TNFAIP8: variants seen among roughly 807,000 people sequenced by gnomAD.
The protein encoded by TNFAIP8 is TNF alpha induced protein 8.
TNFAIP8 carries 7 observed loss-of-function variants against 13.3 expected under a neutral mutation model. The ratio of observed to expected loss-of-function variants is 0.52; its 90% confidence interval spans 0.30 to 0.99. TNFAIP8 has a LOEUF of 0.99. Among genes scored for constraint, TNFAIP8 ranks in the 50% least tolerant of loss-of-function variants. The pLI, the probability that TNFAIP8 is intolerant of heterozygous loss-of-function variation, is 0.07. For missense variants in TNFAIP8, 258 were observed against 236.9 expected (o/e 1.09, Z -0.58); for synonymous variants, 94 against 87.6 (o/e 1.07, Z -0.41).
chr5:119,396,161 A>T lies in TNFAIP8; in HGVS notation c.*2780A>T, dbSNP rs1753067250. The T allele has an allele frequency of 6.6e-6, 1 of 152,196 alleles. No homozygotes were observed. The highest frequency in any genetic ancestry group is 2.1e-4 in the South Asian group (1 of 4,822). 9.4% of individuals were successfully genotyped at this position (152,196 alleles called of 1,614,324 possible). ...ATGTATAAAATCTTATTTTCACTTAAAGATGATATGGCTAAAGGCAGTGCT... is the reference window on the plus strand; with the variant it reads ...ATGTATAAAATCTTATTTTCACTTATAGATGATATGGCTAAAGGCAGTGCT... On this transcript the variant is annotated 3_prime_UTR_variant, in exon 2 of 2. Coordinates refer to ENST00000504771, the MANE Select transcript of TNFAIP8 (RefSeq NM_014350.4).
chr5:119,309,933 A>T (rs1010823437), intron 1 of TNFAIP8, among the ~76,000 whole-genome samples: 6 of 152,126 alleles, frequency 3.9e-5, no homozygotes, highest in Admixed American at 2.6e-4. Flanking sequence ...CTGTTTTCCC[A>T]CTGAAAATGG....
In TNFAIP8 at chr5:119,376,447, A is replaced by G. The variant is rs536934991; in HGVS notation, c.32-16369A>G. On this transcript the variant is annotated intron_variant, in intron 1 of 1. Transcript: ENST00000504771. ...AAATAAACTTTTTCAAAAGGACTGC[A>G]TTGGAATATTTATTTCATATGTAAG... Among the ~76,000 whole-genome samples, 6 of 152,338 alleles carry G rather than the reference A, an allele frequency of 3.9e-5. No individual in the cohort carries two copies. The South Asian group carries it at 1.2e-3, about 32-fold the overall frequency.
At chr5:119,295,214 GTTTAGTCTAACGTTAGACCTATAGGTC>G (rs1749133753) in intron 1 of TNFAIP8, among the ~76,000 whole-genome samples, 1 of 49,212 alleles carries the variant, frequency 2.0e-5, no homozygotes, top group Admixed American at 1.5e-4. Flanking sequence ...TAGGTCTAAC[GTTTAGTCTAACGTTAGACCTATAGGTC>G]TAACGTTTAG....
At chr5:119,349,491 T>C (rs1023735256) in intron 1 of TNFAIP8, among the ~76,000 whole-genome samples, 2 of 152,208 alleles carry the variant, frequency 1.3e-5, no homozygotes, top group Non-Finnish European at 2.9e-5. Flanking sequence ...AGAAAACCCA[T>C]CTTAATGCAA....
At chr5:119,367,235 A>T (rs1244624568) in intron 1 of TNFAIP8, among the ~76,000 whole-genome samples, 1 of 152,048 alleles carries the variant, frequency 6.6e-6, no homozygotes, top group African/African-American at 2.4e-5. Context: ...TTAAATTCTC[A>T]GATAACCCTT....
intron 1 of TNFAIP8, among the ~76,000 whole-genome samples, chr5:119,330,184 T>C (rs540381102): frequency 3.3e-5 from 5 of 152,054 alleles, no homozygotes; most frequent in Non-Finnish European, 7.4e-5. Flanking sequence ...GAGAGGAAGG[T>C]TGAACAGAAA....
rs1312803431 is a variant in TNFAIP8 at position 119,396,590 on chromosome 5, C to T, written c.*3209C>T. On this transcript the variant is annotated 3_prime_UTR_variant, in exon 2 of 2. Transcript: ENST00000504771. ...TAGGCACGGCATCAGTTTCAAACTTCAACATTATTTTCCAGATTTGGAGGC... is the reference window on the plus strand; with the variant it reads ...TAGGCACGGCATCAGTTTCAAACTTTAACATTATTTTCCAGATTTGGAGGC... 1 of 152,102 alleles carries T rather than the reference C, an allele frequency of 6.6e-6. No homozygotes were observed. Among genetic ancestry groups the T allele is most frequent in the Non-Finnish European group, 1.5e-5 (1 of 68,032 alleles). 9.4% of individuals were successfully genotyped at this position (152,102 alleles called of 1,614,324 possible).
At chr5:119,294,312 T>C (rs1183875766) in intron 1 of TNFAIP8, among the ~76,000 whole-genome samples, 1 of 150,308 alleles carries the variant, frequency 6.7e-6, no homozygotes, top group Non-Finnish European at 1.5e-5. Context: ...TTTTTTGTCC[T>C]TGCCATAGTT....
intron 1 of TNFAIP8, among the ~76,000 whole-genome samples, chr5:119,293,373 C>T (rs886728078): frequency 1.3e-5 from 2 of 152,148 alleles, no homozygotes; most frequent in Non-Finnish European, 2.9e-5. Context: ...AACCTTCAAC[C>T]TCTAGTCACC....
intron 1 of TNFAIP8, among the ~76,000 whole-genome samples, chr5:119,375,128 C>T (rs1206201138): frequency 1.3e-5 from 2 of 152,164 alleles, no homozygotes; most frequent in Non-Finnish European, 2.9e-5. Flanking sequence ...AGTTTGTAAG[C>T]TTTGCTTCAA....
intron 1 of TNFAIP8, among the ~76,000 whole-genome samples, chr5:119,300,127 C>T (rs997690531): frequency 6.6e-6 from 1 of 152,216 alleles, no homozygotes; most frequent in Non-Finnish European, 1.5e-5. Flanking sequence ...TGTCCTGTGC[C>T]CACTATCTGG....
intron 1 of TNFAIP8, among the ~76,000 whole-genome samples, chr5:119,276,925 C>T (rs1295094864): frequency 5.9e-5 from 9 of 152,142 alleles, no homozygotes; most frequent in Admixed American, 5.9e-4. Flanking sequence ...CCTGAAACTG[C>T]ACATAGTACT....
At chr5:119,314,201 AC>A (rs1457590403) in intron 1 of TNFAIP8, among the ~76,000 whole-genome samples, 2 of 151,838 alleles carry the variant, frequency 1.3e-5, no homozygotes, top group Non-Finnish European at 2.9e-5. Context: ...AAACAAACAA[AC>A]AAAAAAACCA....
chr5:119,367,713 G>A (rs2112804599), intron 1 of TNFAIP8, among the ~76,000 whole-genome samples: 1 of 152,282 alleles, frequency 6.6e-6, no homozygotes, highest in African/African-American at 2.4e-5. Flanking sequence ...ATTCAGTATA[G>A]ATATGACAAA....
At chr5:119,305,111 C>T (rs1749511395) in intron 1 of TNFAIP8, among the ~76,000 whole-genome samples, 1 of 151,874 alleles carries the variant, frequency 6.6e-6, no homozygotes, top group African/African-American at 2.4e-5. Context: ...CTGTGAACTC[C>T]CAGTTATAAG....
chr5:119,326,936 T>C (rs953922642), intron 1 of TNFAIP8, among the ~76,000 whole-genome samples: 42 of 152,270 alleles, frequency 2.8e-4, no homozygotes, highest in South Asian at 2.1e-4. Context: ...CTTTACTGAA[T>C]TAGTGAGCCT....
chr5:119,329,663 G>T (rs1750317438), intron 1 of TNFAIP8, among the ~76,000 whole-genome samples: 1 of 152,128 alleles, frequency 6.6e-6, no homozygotes, highest in African/African-American at 2.4e-5. Flanking sequence ...ACTTTATGGA[G>T]CTGGGTTTCC....
intron 1 of TNFAIP8, among the ~76,000 whole-genome samples, chr5:119,380,479 G>A (rs7722172): frequency 0.094 from 14,269 of 152,190 alleles, 987 homozygotes; most frequent in African/African-American, 0.21. Context: ...AGAAAATCAC[G>A]GAGCTGTTGA....
chr5:119,273,798 C>T (rs547622642), intron 1 of TNFAIP8, among the ~76,000 whole-genome samples: 59 of 152,270 alleles, frequency 3.9e-4, no homozygotes, highest in African/African-American at 1.3e-3. Flanking sequence ...GGGACCGCAT[C>T]TGCAGGATTA....
Sources: allele counts gnomAD v4.1 joint callset (sites outside exome capture counted in the v4.1 genomes callset), GRCh38; gene constraint gnomAD v4.1.1; transcripts MANE v1.5; gene names NCBI Gene and HGNC (gene_info 2026-07-23, HGNC 2026-07-21).